Variants in PRLR observed in about 807,000 individuals in gnomAD.
PRLR encodes the protein hPRL receptor.
In PRLR, 13 loss-of-function variants were observed where a neutral mutation model predicts 40.2. The ratio of observed to expected loss-of-function variants is 0.32; its 90% CI spans 0.21 to 0.51. The LOEUF is 0.51. PRLR is among the 20% of genes least tolerant of loss of function. The probability of loss-of-function intolerance (pLI) is 0.97; values close to 1 mark genes in which losing one functional copy is unlikely to be tolerated. For synonymous variants in PRLR, 269 were observed against 278.7 expected, an observed-to-expected ratio of 0.97 and a Z score of 0.35; for missense variants, 656 against 747.3, an observed-to-expected ratio of 0.88 and a Z score of 1.42.
intron 4 of PRLR, among the ~76,000 whole-genome samples, chr5:35,085,620 A>G (rs543476468): frequency 5.3e-5 from 8 of 152,230 alleles, no homozygotes; most frequent in Non-Finnish European, 1.2e-4. Context: ...CTTGAACATG[A>G]AACAAGTTTG....
chr5:35,159,474 T>C (rs747989475), intron 1 of PRLR, among the ~76,000 whole-genome samples: 4 of 152,134 alleles, frequency 2.6e-5, no homozygotes, highest in Non-Finnish European at 5.9e-5. Flanking sequence ...AGCCCTCCAC[T>C]CTACTGATAC....
intron 1 of PRLR, among the ~76,000 whole-genome samples, chr5:35,123,296 G>A (rs1239152777): frequency 2.0e-5 from 3 of 152,174 alleles, no homozygotes; most frequent in African/African-American, 7.2e-5. Context: ...TTGGCTGCCA[G>A]ACATTGTTTC....
downstream of PRLR, among the ~76,000 whole-genome samples, chr5:35,054,528 G>A (rs888680016): frequency 5.3e-5 from 8 of 152,084 alleles, no homozygotes; most frequent in Admixed American, 6.6e-5. Context: ...TAAATTATAT[G>A]TATATGTACA....
chr5:35,156,127 T>TAAAAA (rs765998296), intron 1 of PRLR, among the ~76,000 whole-genome samples: 14 of 103,812 alleles, frequency 1.3e-4, no homozygotes, highest in African/African-American at 3.7e-4. Context: ...TTGCTCAAGA[T>TAAAAA]AAAAAAAAAA....
intron 1 of PRLR, among the ~76,000 whole-genome samples, chr5:35,140,364 C>T (rs1279907277): frequency 6.6e-6 from 1 of 152,166 alleles, no homozygotes. Flanking sequence ...ATTTGAGCAA[C>T]CTTCAAAGTC....
chr5:35,206,308 G>A (rs556087804), intron 1 of PRLR, among the ~76,000 whole-genome samples: 37 of 152,068 alleles, frequency 2.4e-4, no homozygotes, highest in African/African-American at 6.5e-4. Context: ...AAAAGGTGGC[G>A]AATCTTAAGA....
intron 5 of PRLR, 31 bp downstream of exon 5, chr5:35,084,439 G>T (rs1770715004): frequency 6.5e-7 from 1 of 1,526,970 alleles, no homozygotes; most frequent in Non-Finnish European, 8.7e-7. Flanking sequence ...AGTGGAGTAA[G>T]AAATTCCTCA....
downstream of PRLR, among the ~76,000 whole-genome samples, chr5:35,054,144 A>G (rs566141219): frequency 6.6e-6 from 1 of 152,372 alleles, no homozygotes; most frequent in South Asian, 2.1e-4. Flanking sequence ...AAACATTAAA[A>G]TATCTGACTG....
intron 1 of PRLR, among the ~76,000 whole-genome samples, chr5:35,197,805 T>C (rs1242235482): frequency 2.0e-5 from 3 of 152,174 alleles, no homozygotes; most frequent in Non-Finnish European, 2.9e-5. Flanking sequence ...TCTGAGAGGA[T>C]GAGATTCAGC....
chr5:35,087,555 A>ATC (rs1561285006), intron 3 of PRLR, among the ~76,000 whole-genome samples: 1 of 151,118 alleles, frequency 6.6e-6, no homozygotes, highest in African/African-American at 2.4e-5. Context: ...AATTTGATGG[A>ATC]TCTTTTTGGG....
At chr5:35,115,046 A>G (rs1026415722) in intron 2 of PRLR, among the ~76,000 whole-genome samples, 1 of 152,252 alleles carries the variant, frequency 6.6e-6, no homozygotes, top group Middle Eastern at 3.2e-3. Context: ...CAATCACGAT[A>G]GAAATGTCCA....
chr5:35,110,544 C>A (rs1281212112), intron 2 of PRLR, among the ~76,000 whole-genome samples: 1 of 152,064 alleles, frequency 6.6e-6, no homozygotes, highest in Non-Finnish European at 1.5e-5. Flanking sequence ...TCTAAAATCC[C>A]CTCTAAAATA....
intron 2 of PRLR, among the ~76,000 whole-genome samples, chr5:35,108,855 G>GA (rs1561306421): frequency 6.6e-6 from 1 of 152,058 alleles, no homozygotes; most frequent in African/African-American, 2.4e-5. Context: ...CACAGAATTG[G>GA]AAAAAACTAC....
chr5:35,073,916 G>C (rs1769905982), intron 5 of PRLR, among the ~76,000 whole-genome samples: 1 of 152,160 alleles, frequency 6.6e-6, no homozygotes. Flanking sequence ...GATGTGGAGA[G>C]ATTGGAACCC....
chr5:35,138,894 A>G (rs1392500252), intron 1 of PRLR, among the ~76,000 whole-genome samples: 2 of 152,242 alleles, frequency 1.3e-5, no homozygotes, highest in Non-Finnish European at 2.9e-5. Flanking sequence ...GCCCAAAATT[A>G]TAAGATGTAT....
intron 1 of PRLR, among the ~76,000 whole-genome samples, chr5:35,171,260 A>G (rs1774988694): frequency 6.6e-6 from 1 of 152,190 alleles, no homozygotes; most frequent in Non-Finnish European, 1.5e-5. Context: ...CCTTGCTGCT[A>G]TGTAACAACT....
chr5:35,219,664 G>A (rs937458741), intron 1 of PRLR, among the ~76,000 whole-genome samples: 5 of 152,094 alleles, frequency 3.3e-5, no homozygotes, highest in African/African-American at 7.2e-5. Flanking sequence ...CAGCACTTAC[G>A]AAAAGCACAG....
intron 1 of PRLR, among the ~76,000 whole-genome samples, chr5:35,228,153 CATTAAT>C (rs1776597666): frequency 7.2e-6 from 1 of 139,220 alleles, no homozygotes; most frequent in South Asian, 2.4e-4. Context: ...TATGGTGCCA[CATTAAT>C]ATTAAGAAAA....
chr5:35,090,788 GCTCTTTTTTTT>G (rs1771149814), intron 2 of PRLR, among the ~76,000 whole-genome samples: 1 of 111,210 alleles, frequency 9.0e-6, no homozygotes, highest in African/African-American at 3.2e-5. Context: ...CCATCAATTA[GCTCTTTTTTTT>G]TTTTTTTTTT....
Sources: allele counts gnomAD v4.1 joint callset (sites outside exome capture counted in the v4.1 genomes callset), GRCh38; gene constraint gnomAD v4.1.1; transcripts MANE v1.5; gene names NCBI Gene and HGNC (gene_info 2026-07-23, HGNC 2026-07-21).